ATP8A1: variants seen among roughly 807,000 people sequenced by gnomAD.
The protein encoded by ATP8A1 is phospholipid-transporting ATPase IA.
Under a neutral mutation model 177.7 loss-of-function variants are expected in ATP8A1, and 90 were observed. The ratio of observed to expected loss-of-function variants is 0.51; its 90% confidence interval spans 0.43 to 0.60. ATP8A1 has a LOEUF of 0.60. Among genes scored for constraint, ATP8A1 ranks in the 20% least tolerant of loss-of-function variants. ATP8A1 has a pLI of 0.00. For synonymous variants in ATP8A1, 493 were observed against 485.9 expected, an observed-to-expected ratio of 1.01 and a Z score of -0.19; for missense variants, 1,072 against 1,392.8, an observed-to-expected ratio of 0.77 and a Z score of 3.67.
intron 7 of ATP8A1, among the ~76,000 whole-genome samples, chr4:42,589,721 T>A (rs376648839): frequency 2.4e-4 from 37 of 152,334 alleles, no homozygotes; most frequent in African/African-American, 7.7e-4. Context: ...AATTTACTTA[T>A]GTATACATTT....
chr4:42,450,237 T>G (rs1717785111), intron 30 of ATP8A1, among the ~76,000 whole-genome samples: 1 of 152,186 alleles, frequency 6.6e-6, no homozygotes, highest in African/African-American at 2.4e-5. Context: ...CACATAATGA[T>G]TCCATTTATA....
At chr4:42,558,617 C>T (rs1206792701) in intron 15 of ATP8A1, among the ~76,000 whole-genome samples, 6 of 152,042 alleles carry the variant, frequency 3.9e-5, no homozygotes, top group Non-Finnish European at 7.4e-5. Context: ...ACAGTATGTA[C>T]TAAGACTTTT....
intron 25 of ATP8A1, among the ~76,000 whole-genome samples, chr4:42,466,312 A>T (rs974365462): frequency 1.3e-5 from 2 of 152,250 alleles, no homozygotes; most frequent in African/African-American, 4.8e-5. Flanking sequence ...CTGCTAAAAC[A>T]TCTGAAAAAT....
At chr4:42,627,464 T>C (rs1438745259) in intron 1 of ATP8A1, among the ~76,000 whole-genome samples, 1 of 152,222 alleles carries the variant, frequency 6.6e-6, no homozygotes, top group Non-Finnish European at 1.5e-5. Flanking sequence ...ACTAACAAGG[T>C]AATTTAAAAT....
chr4:42,656,427 C>G (rs1242527234), intron 1 of ATP8A1, among the ~76,000 whole-genome samples: 1 of 152,026 alleles, frequency 6.6e-6, no homozygotes, highest in Non-Finnish European at 1.5e-5. Flanking sequence ...AAAGCAAACT[C>G]GCTTCGCTGG....
chr4:42,656,793 C>T (rs765555813), intron 1 of ATP8A1, 32 bp downstream of exon 1: 26 of 1,531,726 alleles, frequency 1.7e-5, no homozygotes, highest in Non-Finnish European at 4.4e-6. Context: ...TTCCCGACCC[C>T]GGGCTAGCCC....
intron 34 of ATP8A1, 27 bp downstream of exon 34, chr4:42,423,590 T>C: frequency 6.7e-7 from 1 of 1,484,714 alleles, no homozygotes; most frequent in Non-Finnish European, 9.3e-7. Context: ...TCTATATTTC[T>C]CCGTATATAA....
intron 16 of ATP8A1, among the ~76,000 whole-genome samples, chr4:42,555,037 G>A (rs1055509508): frequency 6.6e-6 from 1 of 152,020 alleles, no homozygotes; most frequent in African/African-American, 2.4e-5. Flanking sequence ...ATGGCCTATT[G>A]TGGGATTGTG....
At chr4:42,452,139 G>T in intron 29 of ATP8A1, 80 bp from the exon 30 acceptor site, 1 of 964,920 alleles carries the variant, frequency 1.0e-6, no homozygotes, top group Non-Finnish European at 1.6e-6. Context: ...TTATCTATGA[G>T]CTAGATTCAC....
intron 25 of ATP8A1, among the ~76,000 whole-genome samples, chr4:42,483,159 A>G (rs1232827457): frequency 6.6e-6 from 1 of 152,212 alleles, no homozygotes; most frequent in African/African-American, 2.4e-5. Context: ...GAGGTCAGTA[A>G]GCAAAATGAC....
At chr4:42,527,991 G>C (rs1316291195) in intron 20 of ATP8A1, among the ~76,000 whole-genome samples, 1 of 152,100 alleles carries the variant, frequency 6.6e-6, no homozygotes, top group Non-Finnish European at 1.5e-5. Flanking sequence ...AAAGGGAAAT[G>C]ATCAGACATT....
chr4:42,608,311 TG>T (rs1736019172), intron 5 of ATP8A1, among the ~76,000 whole-genome samples: 1 of 140,278 alleles, frequency 7.1e-6, no homozygotes, highest in Non-Finnish European at 1.5e-5. Flanking sequence ...GGTCTACCAC[TG>T]GGGCCACTGC....
intron 17 of ATP8A1, 118 bp downstream of exon 17, chr4:42,552,387 T>C: frequency 1.3e-6 from 1 of 761,884 alleles, no homozygotes; most frequent in Non-Finnish European, 2.1e-6. Flanking sequence ...TTCTAATTGG[T>C]AAATAAAAAT....
intron 19 of ATP8A1, among the ~76,000 whole-genome samples, chr4:42,545,662 A>AT (rs1331148697): frequency 6.6e-6 from 1 of 152,142 alleles, no homozygotes; most frequent in African/African-American, 2.4e-5. Context: ...ATTCACCTTG[A>AT]TAAAAACCTC....
intron 22 of ATP8A1, 27 bp downstream of exon 22, chr4:42,522,133 G>C (rs1165563690): frequency 1.3e-6 from 2 of 1,585,476 alleles, no homozygotes; most frequent in Admixed American, 3.9e-5. Context: ...CAAACCCTCT[G>C]TATGATCAAC....
intron 20 of ATP8A1, among the ~76,000 whole-genome samples, chr4:42,541,065 A>G (rs1728334990): frequency 6.6e-6 from 1 of 152,094 alleles, no homozygotes; most frequent in African/African-American, 2.4e-5. Context: ...ATCTGAGGTT[A>G]TAGTGTGCTA....
chr4:42,614,107 G>A (rs1736664276), intron 5 of ATP8A1, among the ~76,000 whole-genome samples: 2 of 152,048 alleles, frequency 1.3e-5, no homozygotes, highest in East Asian at 1.9e-4. Context: ...ATCTATGAAG[G>A]GGACTCATGA....
At chr4:42,497,565 T>C (rs1723412122) in intron 24 of ATP8A1, among the ~76,000 whole-genome samples, 1 of 152,150 alleles carries the variant, frequency 6.6e-6, no homozygotes, top group Non-Finnish European at 1.5e-5. Flanking sequence ...GTGGAAGAAC[T>C]TCTCAAAACA....
chr4:42,463,474 G>A (rs972483908), intron 27 of ATP8A1, among the ~76,000 whole-genome samples: 4 of 152,180 alleles, frequency 2.6e-5, no homozygotes, highest in African/African-American at 9.7e-5. Flanking sequence ...ATGTGGAACT[G>A]TAAGTCCATT....
Sources: gnomAD v4.1 joint callset for allele counts (sites outside exome capture counted in the v4.1 genomes callset) on GRCh38, gnomAD v4.1.1 for gene constraint, MANE v1.5 for transcripts, NCBI Gene and HGNC (gene_info 2026-07-23, HGNC 2026-07-21) for gene names.